Variants in DAB1 observed in about 807,000 individuals in gnomAD.
DAB1 encodes the protein disabled homolog 1.
In DAB1, 15 loss-of-function variants were observed where a neutral mutation model predicts 64.6. That is an observed-to-expected ratio of 0.23 (90% CI 0.16 to 0.36). The LOEUF (loss-of-function observed/expected upper bound fraction) is 0.36, where lower values mean the gene tolerates loss of function less well. Among genes scored for constraint, DAB1 ranks in the 10% least tolerant of loss-of-function variants. The pLI is 1.00. For synonymous variants in DAB1, 235 were observed against 251.9 expected (o/e 0.93, Z 0.64); for missense variants, 596 against 706.7 (o/e 0.84, Z 1.78).
intron 5 of DAB1, among the ~76,000 whole-genome samples, chr1:58,127,159 T>C (rs1653162943): frequency 6.6e-6 from 1 of 151,804 alleles, no homozygotes; most frequent in Non-Finnish European, 1.5e-5. Flanking sequence ...TTCTAACTGG[T>C]GTGAGATGGT....
intron 5 of DAB1, among the ~76,000 whole-genome samples, chr1:57,939,033 G>A (rs538562904): frequency 3.0e-4 from 46 of 152,220 alleles, no homozygotes; most frequent in South Asian, 6.2e-4. Context: ...GCAGAACACC[G>A]TAGACAGGGT....
intron 1 of DAB1, among the ~76,000 whole-genome samples, chr1:57,856,680 C>G (rs1200392478): frequency 2.0e-5 from 3 of 152,094 alleles, no homozygotes; most frequent in African/African-American, 4.8e-5. Context: ...ACGAGAATCA[C>G]TTGAACCTGG....
chr1:57,326,453 AC>A (rs919099468), intron 1 of DAB1, among the ~76,000 whole-genome samples: 5 of 152,100 alleles, frequency 3.3e-5, no homozygotes, highest in African/African-American at 1.2e-4. Flanking sequence ...GGTATTAAAC[AC>A]CCTCTCCACT....
intron 6 of DAB1, among the ~76,000 whole-genome samples, chr1:57,725,607 A>T (rs1469930056): frequency 6.6e-6 from 1 of 152,140 alleles, no homozygotes; most frequent in East Asian, 1.9e-4. Flanking sequence ...ACTACTTGGG[A>T]ACATTGTATC....
At chr1:58,260,236 C>T (rs1303450971) in intron 4 of DAB1, among the ~76,000 whole-genome samples, 13 of 152,140 alleles carry the variant, frequency 8.5e-5, no homozygotes, top group Non-Finnish European at 1.6e-4. Flanking sequence ...GTTTCAGAGC[C>T]GCCCTTCTCA....
At chr1:57,580,513 C>G (rs1570645789) in intron 7 of DAB1, among the ~76,000 whole-genome samples, 1 of 152,194 alleles carries the variant, frequency 6.6e-6, no homozygotes, top group East Asian at 1.9e-4. Context: ...GCACTTCCAG[C>G]ATTTGAAATC....
chr1:57,992,409 A>AG (rs1646358540), intron 5 of DAB1, among the ~76,000 whole-genome samples: 1 of 152,202 alleles, frequency 6.6e-6, no homozygotes, highest in South Asian at 2.1e-4. Context: ...ACATCAATGA[A>AG]GGAACACAAA....
At chr1:57,699,245 A>G (rs186357731) in intron 6 of DAB1, among the ~76,000 whole-genome samples, 25 of 152,280 alleles carry the variant, frequency 1.6e-4, no homozygotes, top group African/African-American at 5.8e-4. Context: ...CAGCCTCTAT[A>G]TATAATAGTA....
intron 3 of DAB1, among the ~76,000 whole-genome samples, chr1:57,136,850 T>A (rs553547095): frequency 9.2e-5 from 14 of 152,140 alleles, no homozygotes; most frequent in Non-Finnish European, 1.6e-4. Flanking sequence ...ACACATTGTA[T>A]AGAGAAATAT....
At chr1:57,594,675 G>T (rs1645484644) in intron 7 of DAB1, among the ~76,000 whole-genome samples, 3 of 152,052 alleles carry the variant, frequency 2.0e-5, no homozygotes, top group Admixed American at 2.0e-4. Flanking sequence ...ACGTTTAGGG[G>T]ATCAGAAAAA....
chr1:57,062,306 A>G (rs1650484339), intron 9 of DAB1, among the ~76,000 whole-genome samples: 1 of 152,138 alleles, frequency 6.6e-6, no homozygotes, highest in East Asian at 1.9e-4. Context: ...GAACTTTTGT[A>G]TACCCCAAAG....
At chr1:57,485,765 G>T (rs1389290999) in intron 7 of DAB1, among the ~76,000 whole-genome samples, 1 of 152,188 alleles carries the variant, frequency 6.6e-6, no homozygotes, top group Non-Finnish European at 1.5e-5. Flanking sequence ...CTTAGCACTG[G>T]TGTAGAGCAT....
chr1:57,453,053 G>A (rs1429170067), intron 7 of DAB1, among the ~76,000 whole-genome samples: 1 of 151,918 alleles, frequency 6.6e-6, no homozygotes, highest in Admixed American at 6.6e-5. Context: ...GAAGTAAACT[G>A]GTAAAATTTA....
At chr1:57,320,350 C>T (rs144487845) in intron 1 of DAB1, among the ~76,000 whole-genome samples, 2 of 152,200 alleles carry the variant, frequency 1.3e-5, no homozygotes, top group Non-Finnish European at 2.9e-5. Context: ...AACTGACTAA[C>T]AGACACTGGC....
intron 5 of DAB1, among the ~76,000 whole-genome samples, chr1:57,912,702 T>G (rs1644664767): frequency 6.6e-6 from 1 of 152,166 alleles, no homozygotes; most frequent in Admixed American, 6.5e-5. Flanking sequence ...CCCCATCGTC[T>G]CGGCCCAAAA....
chr1:57,479,509 T>C (rs996466185), intron 7 of DAB1, among the ~76,000 whole-genome samples: 10 of 151,348 alleles, frequency 6.6e-5, no homozygotes, highest in African/African-American at 2.4e-4. Context: ...ATGCAGCATA[T>C]CATAGTACCC....
intron 2 of DAB1, among the ~76,000 whole-genome samples, chr1:57,239,312 C>T (rs1332253541): frequency 2.0e-5 from 3 of 152,210 alleles, no homozygotes; most frequent in Non-Finnish European, 4.4e-5. Context: ...GTCTTCCCAG[C>T]ACTTACTGCT....
chr1:57,998,993 A>G (rs1646468498), intron 5 of DAB1, among the ~76,000 whole-genome samples: 1 of 152,178 alleles, frequency 6.6e-6, no homozygotes, highest in Non-Finnish European at 1.5e-5. Context: ...ATTAATAAGC[A>G]CATGTACTTT....
At chr1:57,625,044 C>G (rs1645905821) in intron 7 of DAB1, among the ~76,000 whole-genome samples, 1 of 152,026 alleles carries the variant, frequency 6.6e-6, no homozygotes, top group Non-Finnish European at 1.5e-5. Context: ...CAAGTCAAAG[C>G]CCCCTGCATG....
Sources: gnomAD v4.1 joint callset for allele counts (sites outside exome capture counted in the v4.1 genomes callset) on GRCh38, gnomAD v4.1.1 for gene constraint, MANE v1.5 for transcripts, NCBI Gene and HGNC (gene_info 2026-07-23, HGNC 2026-07-21) for gene names.